Variants in NOS1 observed in about 807,000 individuals in gnomAD.
NOS1 encodes nitric oxide synthase 1.
In NOS1, 51 loss-of-function variants were observed where a neutral mutation model predicts 164.5. The ratio of observed to expected loss-of-function variants is 0.31; its 90% CI spans 0.25 to 0.39. The LOEUF (loss-of-function observed/expected upper bound fraction) is 0.39. Ranked by LOEUF, NOS1 falls within the 10% of genes least tolerant of loss-of-function variation. The probability of loss-of-function intolerance (pLI) is 1.00; values close to 1 mark genes in which losing one functional copy is unlikely to be tolerated. For synonymous variants in NOS1, 719 were observed against 745.8 expected (o/e 0.96, Z 0.59); for missense variants, 1,362 against 1,885.6 (o/e 0.72, Z 5.14).
intron 1 of NOS1, chr12:117,348,338 A>C (rs778597288): frequency 2.0e-5 from 3 of 152,166 alleles, no homozygotes; most frequent in Non-Finnish European, 2.9e-5. Context: ...TCTGTCATTT[A>C]CTGACACGTG....
chr12:117,297,869 A>T (rs1307493045), intron 3 of NOS1, among the ~76,000 whole-genome samples: 1 of 152,118 alleles, frequency 6.6e-6, no homozygotes, highest in Non-Finnish European at 1.5e-5. Flanking sequence ...CGAGCCTCAC[A>T]GTGAAACCAG....
At chr12:117,238,338 GT>G (rs1869888710) in intron 20 of NOS1, among the ~76,000 whole-genome samples, 1 of 152,118 alleles carries the variant, frequency 6.6e-6, no homozygotes, top group Admixed American at 6.6e-5. Context: ...GTCCTAACCA[GT>G]TTTTCGCGCC....
intron 1 of NOS1, among the ~76,000 whole-genome samples, chr12:117,360,573 C>T (rs1214150203): frequency 1.3e-5 from 2 of 152,242 alleles, no homozygotes; most frequent in African/African-American, 4.8e-5. Flanking sequence ...TGCGGGCGGC[C>T]CCGCCATGAC....
chr12:117,334,742 T>G (rs1223248203), intron 1 of NOS1, among the ~76,000 whole-genome samples: 1 of 152,188 alleles, frequency 6.6e-6, no homozygotes, highest in African/African-American at 2.4e-5. Flanking sequence ...CTCTGCCTCC[T>G]TTTCCTCCTG....
chr12:117,313,479 A>T (rs540621523), intron 2 of NOS1, among the ~76,000 whole-genome samples: 1 of 152,192 alleles, frequency 6.6e-6, no homozygotes, highest in Non-Finnish European at 1.5e-5. Context: ...GTTTTTTTGT[A>T]GAGACAGGGT....
chr12:117,289,261 G>T (rs1017161626), intron 4 of NOS1, among the ~76,000 whole-genome samples: 1 of 152,176 alleles, frequency 6.6e-6, no homozygotes, highest in African/African-American at 2.4e-5. Flanking sequence ...GATGATATTC[G>T]CAAGCAGCAA....
chr12:117,226,601 C>T, intron 24 of NOS1, 82 bp downstream of exon 24: 1 of 1,236,108 alleles, frequency 8.1e-7, no homozygotes, highest in South Asian at 1.2e-5. Context: ...TAGAACCCTT[C>T]AGACTGGTCC....
At chr12:117,223,843 AG>A in intron 25 of NOS1, among the ~76,000 whole-genome samples, 2 of 151,898 alleles carry the variant, frequency 1.3e-5, no homozygotes, top group East Asian at 3.9e-4. Flanking sequence ...TAGTAGAGAC[AG>A]GGTTTCACCA....
intron 10 of NOS1, 140 bp from the exon 11 acceptor site, chr12:117,268,284 G>T: frequency 1.6e-6 from 1 of 642,328 alleles, no homozygotes; most frequent in Non-Finnish European, 2.8e-6. Flanking sequence ...AGGCTGGAGT[G>T]CAGTGGTGTG....
At position 117,331,374 on chromosome 12, in the gene NOS1, G is replaced by A. The variant is rs1170146645; in HGVS notation, c.-305C>T. ...GTGTCCCTAAGGTCAGGCAGAAAGG[G>A]GAGGAGATGCGTCTGATGGCTGTGT... is the stretch of plus-strand genomic sequence containing the variant. On this transcript the variant is annotated 5_prime_UTR_variant, in exon 2 of 29. Transcript: ENST00000317775. The A allele has an allele frequency of 7.6e-6, 3 of 396,898 alleles. No homozygotes were observed. The East Asian group carries it at 1.3e-4, about 17-fold the overall frequency. The allele number at this position is 396,898 out of a possible 1,614,324, so 24.6% of individuals were successfully genotyped here. A position where few individuals can be genotyped will look rare whatever the true frequency, so the allele number is the denominator to read the frequency against.
Position 117,210,241 on chromosome 12 carries a change from A to C in NOS1, c.*5068T>G. ...AGTGATCCTCCCACCTCAGTCTCCC[A>C]AAGTGCTATTACAGGCATGAACCAC... On this transcript the variant is annotated 3_prime_UTR_variant, in exon 29 of 29. Transcript: ENST00000317775. The C allele has an allele frequency of 1.0e-6, 1 of 965,250 alleles. No homozygotes were observed. The highest frequency in any genetic ancestry group is 1.2e-6 in the Non-Finnish European group (1 of 812,038). 59.8% of individuals were successfully genotyped at this position (965,250 alleles called of 1,614,324 possible). A position where few individuals can be genotyped will look rare whatever the true frequency, so the allele number is the denominator to read the frequency against.
At chr12:117,264,468 TCTTTCTTTCTTTC>T (rs1872206486) in intron 12 of NOS1, among the ~76,000 whole-genome samples, 1 of 127,024 alleles carries the variant, frequency 7.9e-6, no homozygotes, top group Admixed American at 7.4e-5. Context: ...TTCTTTATTT[TCTTTCTTTCTTTC>T]CTTTCTTTCT....
chr12:117,232,732 T>C (rs139648820), intron 21 of NOS1, among the ~76,000 whole-genome samples: 2 of 152,184 alleles, frequency 1.3e-5, no homozygotes, highest in Non-Finnish European at 2.9e-5. Context: ...TACTATATTG[T>C]ACCCCCTCTA....
At chr12:117,251,734 G>A (rs1174316808) in intron 17 of NOS1, among the ~76,000 whole-genome samples, 2 of 151,470 alleles carry the variant, frequency 1.3e-5, no homozygotes, top group African/African-American at 4.9e-5. Context: ...CCTGGTCTTG[G>A]CAAACTTTTT....
At position 117,321,561 on chromosome 12, in the gene NOS1, G is replaced by A. The variant is rs577759100; in HGVS notation, c.725+8784C>T. Among the ~76,000 whole-genome samples the A allele has an allele frequency of 1.2e-4, 19 of 152,190 alleles. No homozygotes were observed. The South Asian group carries it at 3.5e-3, about 28-fold the overall frequency. Reference sequence around the variant, plus strand: ...ACGGCAGGGACACAGATGGGGAGAGGGTACAAAGCGAGAGTAATCCCCAGG... The same window carrying A: ...ACGGCAGGGACACAGATGGGGAGAGAGTACAAAGCGAGAGTAATCCCCAGG... On this transcript the variant is annotated intron_variant, in intron 2 of 28. Coordinates refer to ENST00000317775, the MANE Select transcript of NOS1 (RefSeq NM_000620.5).
chr12:117,329,447 A>G (rs1875417380), intron 2 of NOS1, among the ~76,000 whole-genome samples: 1 of 152,042 alleles, frequency 6.6e-6, no homozygotes, highest in Non-Finnish European at 1.5e-5. Flanking sequence ...GTGGCCTCAG[A>G]CTGAGCCTCC....
chr12:117,300,746 AT>A (rs1375179913), intron 3 of NOS1, among the ~76,000 whole-genome samples: 1 of 152,174 alleles, frequency 6.6e-6, no homozygotes, highest in Admixed American at 6.5e-5. Context: ...ACCTGACCTA[AT>A]TGAAGTAGGG....
At chr12:117,223,028 T>C (rs1171098091) in intron 25 of NOS1, among the ~76,000 whole-genome samples, 165 bp from the exon 26 acceptor site, 1 of 152,102 alleles carries the variant, frequency 6.6e-6, no homozygotes, top group Non-Finnish European at 1.5e-5. Flanking sequence ...TGTACACAGG[T>C]GCTCACATGC....
intron 25 of NOS1, 55 bp from the exon 26 acceptor site, chr12:117,222,918 T>C: frequency 6.3e-7 from 1 of 1,580,502 alleles, no homozygotes; most frequent in Non-Finnish European, 8.6e-7. Context: ...ATGTGCAGGG[T>C]GGCTGAGGTG....
Sources: gnomAD v4.1 joint callset for allele counts (sites outside exome capture counted in the v4.1 genomes callset) on GRCh38, gnomAD v4.1.1 for gene constraint, MANE v1.5 for transcripts, NCBI Gene and HGNC (gene_info 2026-07-23, HGNC 2026-07-21) for gene names.